MBOAT2: variants seen among roughly 807,000 people sequenced by gnomAD.
The protein encoded by MBOAT2 is membrane-bound glycerophospholipid O-acyltransferase 2.
MBOAT2 carries 28 observed loss-of-function variants against 63.4 expected under a neutral mutation model. The ratio of observed to expected loss-of-function variants is 0.44; its 90% confidence interval spans 0.33 to 0.61. MBOAT2 has a LOEUF of 0.61. MBOAT2 is among the 20% of genes least tolerant of loss of function. The pLI is 0.03. For synonymous variants in MBOAT2, 211 were observed against 215.6 expected (o/e 0.98, Z 0.19); for missense variants, 470 against 605.8 (o/e 0.78, Z 2.35).
intron 3 of MBOAT2, among the ~76,000 whole-genome samples, chr2:8,915,573 A>G (rs1039136626): frequency 6.6e-6 from 1 of 152,122 alleles, no homozygotes; most frequent in African/African-American, 2.4e-5. Context: ...TACTCCTCCA[A>G]AAGCACATCA....
intron 6 of MBOAT2, among the ~76,000 whole-genome samples, chr2:8,879,736 G>T (rs1401762754): frequency 6.6e-6 from 1 of 152,140 alleles, no homozygotes; most frequent in Non-Finnish European, 1.5e-5. Context: ...GCTGACTCTT[G>T]GAGGCGAAAT....
At chr2:8,951,388 A>G (rs1668825410) in intron 2 of MBOAT2, among the ~76,000 whole-genome samples, 1 of 152,094 alleles carries the variant, frequency 6.6e-6, no homozygotes, top group African/African-American at 2.4e-5. Flanking sequence ...TGTTTTTAGT[A>G]GAGATGGGGT....
At chr2:8,904,249 C>T (rs1319991775) in intron 4 of MBOAT2, among the ~76,000 whole-genome samples, 1 of 152,102 alleles carries the variant, frequency 6.6e-6, no homozygotes, top group Non-Finnish European at 1.5e-5. Context: ...GCTAAGATTG[C>T]AGGCATGAGA....
Position 8,856,260 on chromosome 2 carries a change from GTAA to G in MBOAT2, c.*2416_*2418del, listed in dbSNP as rs556867327. The G allele has an allele frequency of 1.7e-4, 26 of 151,028 alleles. No individual in the cohort carries two copies. The highest frequency in any genetic ancestry group is 6.1e-4 in the African/African-American group (25 of 41,056). The allele number at this position is 151,028 out of a possible 1,614,324, so 9.4% of individuals were successfully genotyped here. A position where few individuals can be genotyped will look rare whatever the true frequency, so the allele number is the denominator to read the frequency against. ...TTTACAGGCTGAGAAATAAATTCAG[GTAA>G]CAGAAATGTGATTATTTGTAGGTGG... On this transcript the variant is annotated 3_prime_UTR_variant, in exon 13 of 13. Transcript: ENST00000305997. The surrounding 1 kb of genome is among the most constrained non-coding windows in gnomAD (Gnocchi z 4.2).
intron 2 of MBOAT2, among the ~76,000 whole-genome samples, chr2:8,951,553 G>A (rs1319835460): frequency 6.6e-6 from 1 of 152,116 alleles, no homozygotes; most frequent in Non-Finnish European, 1.5e-5. Flanking sequence ...GAATCTATCT[G>A]GTCAAGGGCT....
intron 1 of MBOAT2, among the ~76,000 whole-genome samples, chr2:8,990,119 C>G (rs888865976): frequency 2.6e-5 from 4 of 152,224 alleles, no homozygotes; most frequent in Non-Finnish European, 5.9e-5. Flanking sequence ...CCTCTGCTCT[C>G]TGAAATTTGA....
chr2:8,997,750 AC>A (rs1672407375), intron 1 of MBOAT2, among the ~76,000 whole-genome samples: 2 of 152,344 alleles, frequency 1.3e-5, no homozygotes, highest in African/African-American at 4.8e-5. Context: ...AGATAAGGAA[AC>A]CACGGCTTAA....
intron 1 of MBOAT2, among the ~76,000 whole-genome samples, chr2:8,966,297 T>C (rs1669978015): frequency 6.6e-6 from 1 of 152,212 alleles, no homozygotes; most frequent in African/African-American, 2.4e-5. Flanking sequence ...TTATTCCAAA[T>C]TGAGGTGTGT....
At chr2:8,923,077 T>C (rs1380681727) in intron 3 of MBOAT2, among the ~76,000 whole-genome samples, 2 of 152,238 alleles carry the variant, frequency 1.3e-5, no homozygotes, top group African/African-American at 4.8e-5. Context: ...ATAATAGTCC[T>C]TTCTTGAACT....
At chr2:8,881,103 G>A (rs955196577) in intron 6 of MBOAT2, among the ~76,000 whole-genome samples, 18 of 152,286 alleles carry the variant, frequency 1.2e-4, no homozygotes, top group African/African-American at 4.3e-4. Context: ...AGTAACTGAC[G>A]CAGCTAAATC....
chr2:8,995,479 A>G (rs1672219780), intron 1 of MBOAT2, among the ~76,000 whole-genome samples: 1 of 152,152 alleles, frequency 6.6e-6, no homozygotes, highest in Non-Finnish European at 1.5e-5. Context: ...TACACAGTGA[A>G]TTTTATTTTT....
At chr2:8,975,919 G>C (rs2103322960) in intron 1 of MBOAT2, among the ~76,000 whole-genome samples, 1 of 151,580 alleles carries the variant, frequency 6.6e-6, no homozygotes, top group East Asian at 2.0e-4. Context: ...CTTATCTCCT[G>C]AATTATATGG....
intron 3 of MBOAT2, among the ~76,000 whole-genome samples, chr2:8,929,225 T>G (rs894207077): frequency 7.9e-5 from 12 of 152,228 alleles, no homozygotes; most frequent in African/African-American, 2.9e-4. Context: ...AGGTAAAAAT[T>G]ACTGCTATAG....
rs1249031697 is a variant in MBOAT2 at position 8,854,067 on chromosome 2, T to C, written c.*4612A>G. On this transcript the variant is annotated 3_prime_UTR_variant, in exon 13 of 13. Transcript: ENST00000305997. The stretch of plus-strand genomic sequence containing the variant: ...TAAGCATTGATTATAAGAGCTTTCC[T>C]ACAAAATACCGATGTGGAAAATTTC... 1 of 152,224 alleles carries C rather than the reference T, an allele frequency of 6.6e-6. No individual in the cohort carries two copies. The highest frequency in any genetic ancestry group is 1.5e-5 in the Non-Finnish European group (1 of 68,026). 9.4% of individuals were successfully genotyped at this position (152,224 alleles called of 1,614,324 possible).
Position 8,858,908 on chromosome 2 carries a change from A to G in MBOAT2, c.1338-4T>C, listed in dbSNP as rs1349481190. On this transcript the variant is annotated splice_region_variant and splice_polypyrimidine_tract_variant and intron_variant, in intron 12 of 12. Transcript: ENST00000305997. ...GTGCAGGCAATAATACCAGGAGCTAAAAGAAAAAGGGAAAAAGTTTATTAA... is the reference window on the plus strand; with the variant it reads ...GTGCAGGCAATAATACCAGGAGCTAGAAGAAAAAGGGAAAAAGTTTATTAA... The G allele has an allele frequency of 1.9e-6, 3 of 1,587,256 alleles. No individual in the cohort carries two copies. The highest frequency in any genetic ancestry group is 2.2e-5 in the East Asian group (1 of 44,662).
chr2:8,862,605 T>C lies in MBOAT2; in HGVS notation c.1170A>G (p.Thr390=), dbSNP rs945991017. The change falls in exon 11 of 13, where the codon ACA becomes ACG. Residue 390 remains threonine, a synonymous_variant. Transcript: ENST00000305997. This position sits in a 1 kb window ranked among gnomAD's most constrained non-coding sequence, Gnocchi z 4.3. ...YLTFLTGVLM[T]LAARAMRNNF... is the part of the protein sequence containing the mutation. ...TGATACTTACAGCTCTTGCTGCTAA[T>C]GTCATTAACACCCCTGTTAGAAACG... is the stretch of plus-strand genomic sequence containing the variant. 6 of 1,608,514 alleles carry C rather than the reference T, an allele frequency of 3.7e-6. No homozygotes were observed. Among genetic ancestry groups the C allele is most frequent in the East Asian group, 2.2e-5 (1 of 44,860 alleles).
At chr2:8,971,806 A>G (rs1573211067) in intron 1 of MBOAT2, among the ~76,000 whole-genome samples, 1 of 152,338 alleles carries the variant, frequency 6.6e-6, no homozygotes, top group Non-Finnish European at 1.5e-5. Flanking sequence ...AATCCAACTT[A>G]CAAGGGATGT....
intron 1 of MBOAT2, among the ~76,000 whole-genome samples, chr2:8,974,857 A>G (rs1268639212): frequency 6.6e-6 from 1 of 152,168 alleles, no homozygotes; most frequent in Non-Finnish European, 1.5e-5. Context: ...AATGGCAACC[A>G]CACCTTAAAG....
At chr2:8,943,418 C>T (rs1406294833) in intron 2 of MBOAT2, among the ~76,000 whole-genome samples, 154 bp from the exon 3 acceptor site, 2 of 151,794 alleles carry the variant, frequency 1.3e-5, no homozygotes, top group African/African-American at 4.8e-5. Flanking sequence ...CTGTGGACAC[C>T]CTAAAGAGAG....
Sources: allele counts gnomAD v4.1 joint callset (sites outside exome capture counted in the v4.1 genomes callset), GRCh38; gene constraint gnomAD v4.1.1; non-coding constraint Gnocchi (gnomAD v3.1); transcripts MANE v1.5; gene names NCBI Gene and HGNC (gene_info 2026-07-23, HGNC 2026-07-21).